Variants in TENT4A observed in about 807,000 individuals in gnomAD.
TENT4A encodes the protein DNA polymerase kappa.
Under a neutral mutation model 72.8 loss-of-function variants are expected in TENT4A, and 7 were observed. That is an observed-to-expected ratio of 0.10 (90% CI 0.05 to 0.18). The LOEUF is 0.18. Among genes scored for constraint, TENT4A ranks in the 10% least tolerant of loss-of-function variants. TENT4A has a pLI of 1.00. For synonymous variants in TENT4A, 456 were observed against 434.3 expected, an observed-to-expected ratio of 1.05 and a Z score of -0.62; for missense variants, 831 against 1,017.7, an observed-to-expected ratio of 0.82 and a Z score of 2.50.
chr5:6,716,331 C>T (rs1740386344), intron 1 of TENT4A, among the ~76,000 whole-genome samples: 1 of 152,154 alleles, frequency 6.6e-6, no homozygotes, highest in South Asian at 2.1e-4. Flanking sequence ...CTGCAAGTGC[C>T]CCCTGCCTAG....
At position 6,724,021 on chromosome 5, in the gene TENT4A, CTCAG is replaced by C. The variant is rs374150530; in HGVS notation, c.716+9327_716+9330del. Among the ~76,000 whole-genome samples, 91 of 152,338 alleles carry C rather than the reference CTCAG, an allele frequency of 6.0e-4. No individual in the cohort carries two copies. The East Asian group carries it at 0.015, about 25-fold the overall frequency. On this transcript the variant is annotated intron_variant, in intron 1 of 12. Coordinates refer to ENST00000230859, the MANE Select transcript of TENT4A (RefSeq NM_006999.6). Reference sequence around the variant, plus strand: ...AAGGCAGGACTGGCAGCGCAGCTGCCTCAGTCAGCACTGCTGCACTGGGGGCTTG... The same window carrying C: ...AAGGCAGGACTGGCAGCGCAGCTGCCTCAGCACTGCTGCACTGGGGGCTTG...
In TENT4A at chr5:6,713,948, G is replaced by C. The variant is rs1016750208; in HGVS notation, c.-36G>C. 2.2e-6 allele frequency: 2 copies of C among 896,566 alleles called. No homozygotes were observed. The highest frequency in any genetic ancestry group is 3.7e-5 in the African/African-American group (2 of 54,760). 55.5% of individuals were successfully genotyped at this position (896,566 alleles called of 1,614,324 possible). On this transcript the variant is annotated 5_prime_UTR_variant, in exon 1 of 13. Coordinates refer to ENST00000230859, the MANE Select transcript of TENT4A (RefSeq NM_006999.6). ...GGCGGGGGCGGGGCCGCGTCGGGGC[G>C]GGCGGGCGCGCGGGCCCCGCGGGGG...
chr5:6,751,117 T>C lies in TENT4A; in HGVS notation c.1939T>C (p.Leu647=). The C allele has an allele frequency of 6.2e-7, 1 of 1,614,124 alleles. No homozygotes were observed. The highest frequency in any genetic ancestry group is 8.5e-7 in the Non-Finnish European group (1 of 1,180,010). The change falls in exon 11 of 13, where the codon TTA becomes CTA. Residue 647 remains leucine (L), a synonymous_variant. Transcript: ENST00000230859. ...AGCGCCAGCTCCTCTCATGGCCGGC[T>C]TACCCACCGCCTTGCCAATGCCCAG... ...LQAPAPLMAG[L]PTALPMPSGK...
intron 12 of TENT4A, among the ~76,000 whole-genome samples, chr5:6,753,824 A>G (rs1742545382): frequency 1.3e-5 from 2 of 152,252 alleles, no homozygotes; most frequent in Non-Finnish European, 2.9e-5. Context: ...GTTAAGTAAT[A>G]GAACATTTCC....
intron 1 of TENT4A, among the ~76,000 whole-genome samples, chr5:6,725,491 G>A (rs1308184063): frequency 6.6e-6 from 1 of 152,208 alleles, no homozygotes; most frequent in Admixed American, 6.5e-5. Context: ...TTCTGAGGGT[G>A]ACTTCTGTCA....
rs1740212923 is a variant in TENT4A, at chr5:6,713,827, CCG to C, written c.-156_-155del. The C allele has an allele frequency of 6.5e-6, 1 of 152,684 alleles. No homozygotes were observed. Among genetic ancestry groups the C allele is most frequent in the Non-Finnish European group, 1.3e-5 (1 of 74,222 alleles). The allele number at this position is 152,684 out of a possible 1,614,324, so 9.5% of individuals were successfully genotyped here. On this transcript the variant is annotated 5_prime_UTR_variant, in exon 1 of 13. Transcript: ENST00000230859. ...ACGGGAGCGCGGCTAGAGCAGGAGG[CCG>C]GGGCTCGGCCCGCCCGCCGCCGCCG...
rs539439593 is a variant in TENT4A at position 6,747,160 on chromosome 5, T to C, written c.1459+733T>C. The stretch of plus-strand genomic sequence containing the variant: ...CCACAAATTTTGATTGAGCGTCTGT[T>C]AGGTGAGATACCATTCTTACTGTTG... On this transcript the variant is annotated intron_variant, in intron 7 of 12. Coordinates refer to ENST00000230859, the MANE Select transcript of TENT4A (RefSeq NM_006999.6). Among the ~76,000 whole-genome samples the C allele has an allele frequency of 3.9e-5, 6 of 152,348 alleles. No individual in the cohort carries two copies. The South Asian group carries it at 1.2e-3, about 32-fold the overall frequency.
intron 1 of TENT4A, among the ~76,000 whole-genome samples, chr5:6,723,617 G>A (rs1054859687): frequency 6.6e-6 from 1 of 152,212 alleles, no homozygotes; most frequent in African/African-American, 2.4e-5. Flanking sequence ...TGAACAAGAC[G>A]TCGCTAACAT....
chr5:6,732,587 G>A (rs1741266328), intron 1 of TENT4A, among the ~76,000 whole-genome samples: 1 of 152,202 alleles, frequency 6.6e-6, no homozygotes, highest in Admixed American at 6.5e-5. Flanking sequence ...GATGGGTTTG[G>A]ACTCTTGCAA....
chr5:6,728,337 G>A (rs1416491145), intron 1 of TENT4A, among the ~76,000 whole-genome samples: 2 of 152,220 alleles, frequency 1.3e-5, no homozygotes, highest in Non-Finnish European at 2.9e-5. Context: ...ATGTAATGTA[G>A]CCTCAGAATT....
intron 8 of TENT4A, among the ~76,000 whole-genome samples, 184 bp downstream of exon 8, chr5:6,748,774 T>C (rs1014740919): frequency 3.3e-5 from 5 of 152,334 alleles, no homozygotes; most frequent in Non-Finnish European, 7.4e-5. Context: ...GATTCATCCA[T>C]GGTTGAGAGT....
At chr5:6,737,978 A>T (rs1443760026) in intron 2 of TENT4A, among the ~76,000 whole-genome samples, 1 of 142,150 alleles carries the variant, frequency 7.0e-6, no homozygotes, top group Non-Finnish European at 1.5e-5. Context: ...CTTAAAATTT[A>T]GAAATTTCAC....
intron 10 of TENT4A, 112 bp downstream of exon 10, chr5:6,750,615 T>A: frequency 9.4e-7 from 1 of 1,066,008 alleles, no homozygotes; most frequent in Non-Finnish European, 1.3e-6. Flanking sequence ...TTTTGTTTCC[T>A]TGTATGTGTG....
At chr5:6,749,963 A>T (rs1742306091) in intron 9 of TENT4A, among the ~76,000 whole-genome samples, 1 of 152,240 alleles carries the variant, frequency 6.6e-6, no homozygotes, top group Non-Finnish European at 1.5e-5. Flanking sequence ...TAATCAACAT[A>T]AAAATAATTA....
In TENT4A at chr5:6,714,423, G is replaced by T; in HGVS notation, c.440G>T (p.Gly147Val). The T allele has an allele frequency of 8.6e-7, 1 of 1,159,516 alleles. No individual in the cohort carries two copies. The highest frequency in any genetic ancestry group is 1.6e-5 in the African/African-American group (1 of 61,394). 71.8% of individuals were successfully genotyped at this position (1,159,516 alleles called of 1,614,324 possible). ...GGCCGGCCGGGCGGCGGCCGCGGCG[G>T]CGCCTTCTTCAACTTCGCCGACGGC... Reference protein sequence around the residue: ...SLGRPGGGRGGAFFNFADGAP... With the variant: ...SLGRPGGGRGVAFFNFADGAP... The change falls in exon 1 of 13, where the codon GGC becomes GTC. Residue 147 changes from glycine to valine, a missense_variant. By Grantham distance (109) the Gly-to-Val change is moderately radical (BLOSUM62 -3). This residue lies in a region of TENT4A where 302 missense variants were observed against 293.8 expected (regional missense o/e 1.03). Coordinates refer to ENST00000230859, the MANE Select transcript of TENT4A (RefSeq NM_006999.6).
chr5:6,733,701 C>T (rs1293349716), intron 1 of TENT4A, among the ~76,000 whole-genome samples: 1 of 96,796 alleles, frequency 1.0e-5, no homozygotes, highest in Non-Finnish European at 2.6e-5. Flanking sequence ...TGATGTACTT[C>T]TGTGGCAGAC....
chr5:6,749,490 C>T (rs931723300), intron 8 of TENT4A, 67 bp from the exon 9 acceptor site: 27 of 974,068 alleles, frequency 2.8e-5, no homozygotes, highest in African/African-American at 2.7e-4. Flanking sequence ...GGTAGCTGTT[C>T]GAGAGGGGTT....
chr5:6,746,437 C>G lies in TENT4A; in HGVS notation c.1459+10C>G, dbSNP rs200991550. On this transcript the variant is annotated intron_variant, in intron 7 of 12. Coordinates refer to ENST00000230859, the MANE Select transcript of TENT4A (RefSeq NM_006999.6). ...GACCCCCTGCTGCCAGGTAAGGGCG[C>G]CCTGATCTCCACTGCTGAGAGCTGG... 3.9e-4 allele frequency: 629 copies of G among 1,613,436 alleles called. 4 individuals are homozygous for G. The highest frequency in any genetic ancestry group is 8.1e-5 in the Non-Finnish European group (95 of 1,179,608).
intron 9 of TENT4A, among the ~76,000 whole-genome samples, 162 bp from the exon 10 acceptor site, chr5:6,750,169 T>C (rs1177706991): frequency 1.3e-5 from 2 of 152,276 alleles, no homozygotes; most frequent in Admixed American, 6.5e-5. Context: ...CAACAACTAA[T>C]TGAATGTAAT....
Sources: allele counts gnomAD v4.1 joint callset (sites outside exome capture counted in the v4.1 genomes callset), GRCh38; gene constraint gnomAD v4.1.1; regional missense constraint gnomAD v4.1.1; transcripts MANE v1.5; gene names NCBI Gene and HGNC (gene_info 2026-07-23, HGNC 2026-07-21).